The following CTNNA2 variants were observed in gnomAD, a reference collection of about 807,000 sequenced individuals.
CTNNA2 encodes catenin alpha 2, also known as catenin alpha-2.
In CTNNA2, 42 loss-of-function variants were observed where a neutral mutation model predicts 101.0. The observed-to-expected ratio is 0.42, with a 90% CI of 0.32 to 0.54. CTNNA2 has a LOEUF of 0.54. Among genes scored for constraint, CTNNA2 ranks in the 20% least tolerant of loss-of-function variants. The pLI is 0.14. For synonymous variants in CTNNA2, 450 were observed against 456.4 expected (o/e 0.99, Z 0.18); for missense variants, 871 against 1,223.1 (o/e 0.71, Z 4.29).
At chr2:80,580,054 T>C (rs543127002) in intron 13 of CTNNA2, among the ~76,000 whole-genome samples, 2 of 152,312 alleles carry the variant, frequency 1.3e-5, no homozygotes, top group African/African-American at 4.8e-5. Context: ...CCATCCTTAC[T>C]ACCGTTCGAA....
At chr2:79,246,278 A>G (rs1407303912) in intron 2 of CTNNA2, among the ~76,000 whole-genome samples, 4 of 152,134 alleles carry the variant, frequency 2.6e-5, no homozygotes, top group Non-Finnish European at 5.9e-5. Context: ...CTATCTGGAC[A>G]CTAGGAAGGT....
At chr2:79,633,896 A>T (rs1679851910) in intron 1 of CTNNA2, 1 of 152,238 alleles carries the variant, frequency 6.6e-6, no homozygotes, top group South Asian at 2.1e-4. Context: ...AACATCACTC[A>T]GCAGTCCTTA....
rs550828355 is a variant in CTNNA2, at chr2:80,390,467, G to C, written c.1057-2744G>C. 7.9e-5 allele frequency among the ~76,000 whole-genome samples: 12 copies of C among 152,250 alleles called. No individual in the cohort carries two copies. The South Asian group carries it at 1.2e-3, about 16-fold the overall frequency. On this transcript the variant is annotated intron_variant, in intron 7 of 18. Coordinates refer to ENST00000402739, the MANE Select transcript of CTNNA2 (RefSeq NM_001282597.3). ...GTTGCAGGATATTGATGCCAGAAGG[G>C]ATACAGATCCCACATGTTGCCCTTC... is the stretch of plus-strand genomic sequence containing the variant.
intron 7 of CTNNA2, among the ~76,000 whole-genome samples, chr2:79,948,978 A>G (rs1688695163): frequency 6.6e-6 from 1 of 152,068 alleles, no homozygotes; most frequent in African/African-American, 2.4e-5. Context: ...AAAAATAAAT[A>G]AATAAATAAA....
chr2:79,828,646 A>G (rs1476410674), intron 3 of CTNNA2, among the ~76,000 whole-genome samples: 1 of 152,244 alleles, frequency 6.6e-6, no homozygotes, highest in African/African-American at 2.4e-5. Context: ...TCTTGGACTA[A>G]GTGTTTACTG....
At chr2:79,612,791 G>T (rs1678368290) in intron 1 of CTNNA2, among the ~76,000 whole-genome samples, 1 of 151,996 alleles carries the variant, frequency 6.6e-6, no homozygotes, top group African/African-American at 2.4e-5. Flanking sequence ...AAAATACTAA[G>T]AAAACCTGGC....
intron 2 of CTNNA2, among the ~76,000 whole-genome samples, chr2:79,728,476 C>T (rs186938754): frequency 6.6e-6 from 1 of 152,146 alleles, no homozygotes; most frequent in Admixed American, 6.5e-5. Context: ...TGGATAATAG[C>T]CCTTTGTCAG....
intron 5 of CTNNA2, 22 bp from the exon 6 acceptor site, chr2:79,874,054 C>T: frequency 6.2e-7 from 1 of 1,611,806 alleles, no homozygotes; most frequent in Non-Finnish European, 8.5e-7. Context: ...TGTGTGACAG[C>T]TTTCATGTGT....
chr2:80,381,182 G>A (rs538736084), intron 7 of CTNNA2, among the ~76,000 whole-genome samples: 33 of 151,770 alleles, frequency 2.2e-4, no homozygotes, highest in African/African-American at 7.7e-4. Flanking sequence ...CTGGGGTTGG[G>A]GGCAGCCTGG....
intron 15 of CTNNA2, among the ~76,000 whole-genome samples, chr2:80,600,270 G>T (rs1479085316): frequency 6.6e-6 from 1 of 151,824 alleles, no homozygotes; most frequent in Non-Finnish European, 1.5e-5. Context: ...AGAATAAAAT[G>T]GAAGGATATT....
chr2:79,236,606 T>C (rs985030018), intron 2 of CTNNA2, among the ~76,000 whole-genome samples: 5 of 152,218 alleles, frequency 3.3e-5, no homozygotes, highest in Admixed American at 1.3e-4. Context: ...TCACTCACTA[T>C]AGAACTTGCA....
chr2:80,351,151 CAGGTTAAAAATGA>C (rs1428371088), intron 7 of CTNNA2, among the ~76,000 whole-genome samples: 1 of 152,080 alleles, frequency 6.6e-6, no homozygotes, highest in Admixed American at 6.6e-5. Flanking sequence ...AAGTGAGATG[CAGGTTAAAAATGA>C]AACACATACA....
chr2:79,231,664 ACT>A (rs920449653), intron 2 of CTNNA2, among the ~76,000 whole-genome samples: 39 of 152,112 alleles, frequency 2.6e-4, no homozygotes, highest in African/African-American at 8.7e-4. Context: ...GCCATTAATA[ACT>A]CTATTAATAC....
At position 79,637,530 on chromosome 2, in the gene CTNNA2, A is replaced by G. The variant is rs190846230; in HGVS notation, c.-5-14022A>G. Among the ~76,000 whole-genome samples, 292 of 152,312 alleles carry G rather than the reference A, an allele frequency of 1.9e-3. 1 individual carries two copies. Among genetic ancestry groups the G allele is most frequent in the African/African-American group, 6.2e-3 (256 of 41,570 alleles). ...AACTTTCAGGAAACAAAGACCTTCC[A>G]TATTGGATTAGATCCATTATCTGTT... On this transcript the variant is annotated intron_variant, in intron 1 of 18. Coordinates refer to ENST00000402739, the MANE Select transcript of CTNNA2 (RefSeq NM_001282597.3).
intron 7 of CTNNA2, among the ~76,000 whole-genome samples, chr2:79,936,672 CT>C: frequency 6.6e-6 from 1 of 152,216 alleles, no homozygotes; most frequent in East Asian, 1.9e-4. Context: ...GCCATCGTTC[CT>C]CACCTTAATC....
At chr2:79,202,263 A>G (rs1000788041) in intron 2 of CTNNA2, among the ~76,000 whole-genome samples, 1 of 152,150 alleles carries the variant, frequency 6.6e-6, no homozygotes, top group Non-Finnish European at 1.5e-5. Context: ...TTGGAGTCTC[A>G]AGATTTATTT....
At chr2:79,240,369 C>T (rs867683968) in intron 2 of CTNNA2, among the ~76,000 whole-genome samples, 6 of 152,182 alleles carry the variant, frequency 3.9e-5, no homozygotes, top group Middle Eastern at 3.4e-3. Context: ...TTACCTTCCT[C>T]CCACCCTCTA....
At chr2:79,275,837 A>T (rs1675197742) in intron 2 of CTNNA2, among the ~76,000 whole-genome samples, 1 of 151,996 alleles carries the variant, frequency 6.6e-6, no homozygotes, top group Admixed American at 6.6e-5. Flanking sequence ...CTGCCCTCAG[A>T]TAATTTATAT....
intron 4 of CTNNA2, among the ~76,000 whole-genome samples, chr2:79,374,520 A>ATAT (rs1553406553): frequency 6.6e-6 from 1 of 151,730 alleles, no homozygotes; most frequent in Admixed American, 6.6e-5. Context: ...ATATATATAT[A>ATAT]TTTTTCTATT....
Sources: allele counts gnomAD v4.1 joint callset (sites outside exome capture counted in the v4.1 genomes callset), GRCh38; gene constraint gnomAD v4.1.1; transcripts MANE v1.5; gene names NCBI Gene and HGNC (gene_info 2026-07-23, HGNC 2026-07-21).